The following ZGRF1 variants were observed in gnomAD, a reference collection of about 807,000 sequenced individuals.
The protein encoded by ZGRF1 is 5'-3' DNA helicase ZGRF1.
A neutral mutation model predicts 203.5 loss-of-function variants in ZGRF1; 196 were observed. The ratio of observed to expected loss-of-function variants is 0.96; its 90% CI spans 0.86 to 1.08. The LOEUF is 1.08. Ranked by LOEUF, ZGRF1 falls within the 50% of genes least tolerant of loss-of-function variation. ZGRF1 has a pLI of 0.00. For missense variants in ZGRF1, 2,326 were observed against 2,416.3 expected, an observed-to-expected ratio of 0.96 and a Z score of 0.78; for synonymous variants, 809 against 841.3, an observed-to-expected ratio of 0.96 and a Z score of 0.66.
chr4:112,557,339 G>GT (rs944622298), intron 20 of ZGRF1, among the ~76,000 whole-genome samples: 4 of 151,926 alleles, frequency 2.6e-5, no homozygotes, highest in African/African-American at 7.3e-5. Flanking sequence ...GCCAGGCTAA[G>GT]TTTTTTTGTA....
intron 16 of ZGRF1, among the ~76,000 whole-genome samples, chr4:112,576,990 G>A (rs780189462): frequency 6.6e-6 from 1 of 151,244 alleles, no homozygotes; most frequent in African/African-American, 2.4e-5. Context: ...ATTCACCAAA[G>A]TTGAAATGAA....
At chr4:112,593,502 G>A (rs775350588) in intron 10 of ZGRF1, among the ~76,000 whole-genome samples, 18 of 152,248 alleles carry the variant, frequency 1.2e-4, no homozygotes, top group South Asian at 1.0e-3. Context: ...CCAGTGGCAC[G>A]CACAATAAAA....
At chr4:112,581,604 T>A (rs912992423) in intron 16 of ZGRF1, 59 bp downstream of exon 16, 3 of 1,212,946 alleles carry the variant, frequency 2.5e-6, no homozygotes, top group Admixed American at 5.8e-5. Flanking sequence ...TTTATACAGC[T>A]GTATGTAATG....
Position 112,585,531 on chromosome 4 carries a change from G to A in ZGRF1, c.4101+10C>T, listed in dbSNP as rs1425036608. The A allele has an allele frequency of 6.2e-7, 1 of 1,601,504 alleles. No individual in the cohort carries two copies. Among genetic ancestry groups the A allele is most frequent in the Non-Finnish European group, 8.5e-7 (1 of 1,174,606 alleles). Reference sequence around the variant, plus strand: ...ATTTGGTATGGTAGGGGGAGGGGAAGCAAGAATACCTTATTTGGACCTTCC... The same window carrying A: ...ATTTGGTATGGTAGGGGGAGGGGAAACAAGAATACCTTATTTGGACCTTCC... On this transcript the variant is annotated intron_variant, in intron 14 of 27. Transcript: ENST00000505019.
chr4:112,626,663 C>T (rs1055549971), intron 3 of ZGRF1, among the ~76,000 whole-genome samples: 2 of 152,162 alleles, frequency 1.3e-5, no homozygotes, highest in African/African-American at 2.4e-5. Flanking sequence ...AATGAATCCA[C>T]TCCAATAGTT....
chr4:112,546,101 C>T (rs925275515), intron 24 of ZGRF1, among the ~76,000 whole-genome samples: 3 of 59,526 alleles, frequency 5.0e-5, no homozygotes, highest in African/African-American at 1.8e-4. Context: ...TAATGTAGTA[C>T]CAATACATGC....
At chr4:112,572,292 A>G (rs1438367545) in intron 16 of ZGRF1, among the ~76,000 whole-genome samples, 1 of 152,192 alleles carries the variant, frequency 6.6e-6, no homozygotes, top group Non-Finnish European at 1.5e-5. Context: ...ACAAAAACAT[A>G]AAGTGGAGAA....
chr4:112,548,170 G>C (rs78439826), intron 23 of ZGRF1, 83 bp downstream of exon 23: 14,097 of 1,309,956 alleles, frequency 0.011, 132 homozygotes, highest in Middle Eastern at 0.034. Context: ...CAAACTCCTA[G>C]ACTCAAGCAA....
chr4:112,576,006 A>G (rs1222921998), intron 16 of ZGRF1, among the ~76,000 whole-genome samples: 1 of 152,104 alleles, frequency 6.6e-6, no homozygotes, highest in Non-Finnish European at 1.5e-5. Flanking sequence ...ACCCCCAAGT[A>G]GCCTAACTGG....
In ZGRF1 at chr4:112,581,681, A is replaced by T; in HGVS notation, c.4420T>A (p.Ser1474Thr). 1 of 1,580,542 alleles carries T rather than the reference A, an allele frequency of 6.3e-7. No individual in the cohort carries two copies. Among genetic ancestry groups the T allele is most frequent in the Non-Finnish European group, 8.6e-7 (1 of 1,168,272 alleles). ...LYLKLSRKER[S>T]SAYSKNDLWV... ...AACTTACTTTTGCTATAAGCTGAAG[A>T]TCTTTCCTTCCGACTTAGCTTAAGA... Residue 1474 changes from serine (S) to threonine (T), a missense_variant, in exon 16 of 28, where the codon TCT becomes ACT. By Grantham distance (58) the Ser-to-Thr change is moderately conservative. Transcript: ENST00000505019.
chr4:112,618,215 CAG>C lies in ZGRF1; in HGVS notation c.1825_1826del (p.Leu609AlafsTer6), dbSNP rs1249068282. The part of the protein sequence containing the change: ...PTVTFPVKET[L>X]PSQFCDKTYV... Reference sequence around the variant, plus strand: ...AAGTTTTATCACAAAACTGTGATGGCAGAGTCTCTTTAACAGGAAATGTCACT... The same window carrying C: ...AAGTTTTATCACAAAACTGTGATGGCAGTCTCTTTAACAGGAAATGTCACT... On this transcript the variant is annotated frameshift_variant, in exon 6 of 28. Transcript: ENST00000505019. LOFTEE classifies it high-confidence loss of function. The C allele has an allele frequency of 1.9e-6, 3 of 1,613,666 alleles. No homozygotes were observed. Among genetic ancestry groups the C allele is most frequent in the Admixed American group, 1.7e-5 (1 of 59,970 alleles).
chr4:112,565,409 T>C, intron 16 of ZGRF1: 3 of 795,312 alleles, frequency 3.8e-6, no homozygotes, highest in South Asian at 3.0e-5. Context: ...GAATCCACTA[T>C]GATGGGAAAC....
At chr4:112,571,195 C>CAAG (rs1346569107) in intron 16 of ZGRF1, among the ~76,000 whole-genome samples, 2 of 150,610 alleles carry the variant, frequency 1.3e-5, no homozygotes, top group Non-Finnish European at 3.0e-5. Flanking sequence ...AGCTAAGTAT[C>CAAG]AAGCTTAAGA....
At chr4:112,633,043 T>G in intron 2 of ZGRF1, 113 bp downstream of exon 2, 1 of 928,704 alleles carries the variant, frequency 1.1e-6, no homozygotes, top group Non-Finnish European at 1.7e-6. Context: ...AGCCTGTTTT[T>G]TGTTTTGTTT....
At chr4:112,623,753 A>G (rs1578481521) in intron 4 of ZGRF1, 64 bp downstream of exon 4, 1 of 783,154 alleles carries the variant, frequency 1.3e-6, no homozygotes, top group East Asian at 2.7e-5. Context: ...CAATATTCAT[A>G]AAGGAGGTAT....
rs770587880 is a variant in ZGRF1, at chr4:112,589,717, C to T, written c.3127+7G>A. On this transcript the variant is annotated splice_region_variant and intron_variant, in intron 11 of 27. Transcript: ENST00000505019. Reference sequence around the variant, plus strand: ...GACAGATATTAGAGCAATGTGGTAACGACTACCCTCCAAGTTGAGAAAATG... The same window carrying T: ...GACAGATATTAGAGCAATGTGGTAATGACTACCCTCCAAGTTGAGAAAATG... The T allele has an allele frequency of 1.4e-5, 22 of 1,612,894 alleles. No homozygotes were observed. The South Asian group carries it at 1.5e-4, about 11-fold the overall frequency.
At chr4:112,576,300 A>G (rs916437322) in intron 16 of ZGRF1, among the ~76,000 whole-genome samples, 1 of 152,190 alleles carries the variant, frequency 6.6e-6, no homozygotes, top group African/African-American at 2.4e-5. Flanking sequence ...TCAAAGACCA[A>G]TGGTAGATAA....
intron 22 of ZGRF1, among the ~76,000 whole-genome samples, chr4:112,550,557 TAA>T (rs1174097101): frequency 2.0e-5 from 3 of 152,016 alleles, no homozygotes; most frequent in Non-Finnish European, 4.4e-5. Context: ...ACAGCGTTTA[TAA>T]AGTCTACAGT....
intron 16 of ZGRF1, 89 bp from the exon 17 acceptor site, chr4:112,563,363 T>C (rs1405566581): frequency 3.3e-6 from 3 of 919,378 alleles, no homozygotes; most frequent in South Asian, 1.9e-5. Context: ...CATATGTGTG[T>C]ACATATATCT....
Sources: gnomAD v4.1 joint callset for allele counts (sites outside exome capture counted in the v4.1 genomes callset) on GRCh38, gnomAD v4.1.1 for gene constraint, MANE v1.5 for transcripts, NCBI Gene and HGNC (gene_info 2026-07-23, HGNC 2026-07-21) for gene names.